The following CACNA1E variants were observed in gnomAD, a reference collection of about 807,000 sequenced individuals.
CACNA1E encodes voltage-dependent R-type calcium channel subunit alpha-1E.
CACNA1E carries 40 observed loss-of-function variants against 259.2 expected under a neutral mutation model. The ratio of observed to expected loss-of-function variants is 0.15; its 90% CI spans 0.12 to 0.20. CACNA1E has a LOEUF of 0.20. Ranked by LOEUF, CACNA1E falls within the 10% of genes least tolerant of loss-of-function variation. The pLI, the probability that CACNA1E is intolerant of heterozygous loss-of-function variation, is 1.00. For synonymous variants in CACNA1E, 1,104 were observed against 1,138.5 expected, an observed-to-expected ratio of 0.97 and a Z score of 0.61; for missense variants, 1,874 against 3,040.1, an observed-to-expected ratio of 0.62 and a Z score of 9.02.
chr1:181,758,012 C>A lies in CACNA1E; in HGVS notation c.4395C>A (p.His1465Gln), dbSNP rs1331597887. ...CCCGCTACATGCCGCAGAACAGACACACCTTCCAGTACCGCGTGTGGCACT... is the reference window on the plus strand; with the variant it reads ...CCCGCTACATGCCGCAGAACAGACAAACCTTCCAGTACCGCGTGTGGCACT... ...PLTRYMPQNRHTFQYRVWHFV... is the reference protein window; with the variant it reads ...PLTRYMPQNRQTFQYRVWHFV... The change falls in exon 31 of 48, where the codon CAC becomes CAA. Residue 1465 changes from histidine to glutamine, a missense_variant. By Grantham distance (24) the His-to-Gln change is conservative (BLOSUM62 0). Around this residue, in one of 14 missense-constraint regions of CACNA1E, gnomAD observed 188 missense variants for 540.6 expected, o/e 0.35. Transcript: ENST00000367573. The surrounding 1 kb of genome is among the most constrained non-coding windows in gnomAD (Gnocchi z 4.2). 9.3e-6 allele frequency: 15 copies of A among 1,613,904 alleles called. No individual in the cohort carries two copies. The highest frequency in any genetic ancestry group is 1.0e-5 in the Non-Finnish European group (12 of 1,179,880).
chr1:181,470,844 A>T (rs192664857), intron 2 of CACNA1E, among the ~76,000 whole-genome samples: 1 of 152,128 alleles, frequency 6.6e-6, no homozygotes, highest in African/African-American at 2.4e-5. Flanking sequence ...AACTCTCCTC[A>T]ACTAGTCTTA....
Position 181,779,819 on chromosome 1 carries a change from T to TACACACACACACACACACAC in CACNA1E, c.5268-1596_5268-1577dup, listed in dbSNP as rs56301632. Among the ~76,000 whole-genome samples, 450 of 148,382 alleles carry TACACACACACACACACACAC rather than the reference T, an allele frequency of 3.0e-3. 1 individual carries two copies. The highest frequency in any genetic ancestry group is 4.2e-3 in the South Asian group (19 of 4,486). ...TCATGTATGTGTGTATATGCACATGTACACACACACACACACACACACACA... is the reference window on the plus strand; with the variant it reads ...TCATGTATGTGTGTATATGCACATGTACACACACACACACACACACACACACACACACACACACACACACA... On this transcript the variant is annotated intron_variant, in intron 38 of 47. Coordinates refer to ENST00000367573, the MANE Select transcript of CACNA1E (RefSeq NM_001205293.3).
chr1:181,710,823 G>A, intron 7 of CACNA1E, 131 bp from the exon 8 acceptor site: 2 of 655,940 alleles, frequency 3.0e-6, no homozygotes, highest in South Asian at 3.6e-5. Context: ...TTGCAGCCTG[G>A]GTCAGGGGAA....
intron 3 of CACNA1E, among the ~76,000 whole-genome samples, chr1:181,556,243 C>A (rs990347986): frequency 7.9e-5 from 12 of 152,158 alleles, no homozygotes; most frequent in African/African-American, 2.9e-4. Flanking sequence ...CCCCTGGTCC[C>A]TCTGGGGTGG....
intron 6 of CACNA1E, among the ~76,000 whole-genome samples, chr1:181,624,327 G>C (rs1199171378): frequency 6.6e-6 from 1 of 152,150 alleles, no homozygotes; most frequent in Non-Finnish European, 1.5e-5. Context: ...GAAGAATGAT[G>C]CTTGCTGCAG....
chr1:181,683,127 T>G (rs556801507), intron 7 of CACNA1E, among the ~76,000 whole-genome samples: 1 of 152,372 alleles, frequency 6.6e-6, no homozygotes, highest in East Asian at 1.9e-4. Context: ...GTCTGGCTCC[T>G]TGGTAGATAA....
intron 1 of CACNA1E, among the ~76,000 whole-genome samples, chr1:181,385,045 A>G (rs142596844): frequency 9.2e-4 from 140 of 152,018 alleles, no homozygotes; most frequent in African/African-American, 2.5e-3. Flanking sequence ...GCTGAGATGG[A>G]TTTTGGGAAT....
intron 3 of CACNA1E, among the ~76,000 whole-genome samples, chr1:181,560,482 A>G (rs1427818178): frequency 6.6e-6 from 1 of 152,114 alleles, no homozygotes; most frequent in African/African-American, 2.4e-5. Context: ...TCCTCTTAAG[A>G]CTATATGATG....
chr1:181,783,167 C>G (rs563869091), intron 39 of CACNA1E, among the ~76,000 whole-genome samples: 47 of 152,170 alleles, frequency 3.1e-4, no homozygotes, highest in African/African-American at 1.1e-3. Flanking sequence ...ATTAAAGACT[C>G]AAAAAGGGGG....
chr1:181,631,121 G>T (rs1043902743), intron 6 of CACNA1E, among the ~76,000 whole-genome samples: 1 of 152,200 alleles, frequency 6.6e-6, no homozygotes, highest in Non-Finnish European at 1.5e-5. Flanking sequence ...CTGCAGAATA[G>T]GGGAGCTTTC....
intron 6 of CACNA1E, among the ~76,000 whole-genome samples, chr1:181,645,573 C>T (rs1051584259): frequency 1.3e-4 from 20 of 152,216 alleles, no homozygotes; most frequent in African/African-American, 4.3e-4. Context: ...CTTAGACTCC[C>T]GTGTTATTGT....
chr1:181,596,711 G>T (rs1653214696), intron 6 of CACNA1E, among the ~76,000 whole-genome samples: 1 of 152,116 alleles, frequency 6.6e-6, no homozygotes, highest in Non-Finnish European at 1.5e-5. Flanking sequence ...TTGATAAAGG[G>T]TGTTTCTTGA....
intron 2 of CACNA1E, among the ~76,000 whole-genome samples, chr1:181,444,985 C>T (rs56413723): frequency 0.43 from 65,221 of 151,854 alleles, 15,470 homozygotes; most frequent in African/African-American, 0.65. Context: ...ACATCTCTGG[C>T]TCACTGATGG....
chr1:181,642,134 A>T (rs947097351), intron 6 of CACNA1E, among the ~76,000 whole-genome samples: 1 of 152,142 alleles, frequency 6.6e-6, no homozygotes, highest in African/African-American at 2.4e-5. Context: ...GAAGTCCTGC[A>T]TTCTGGTTCT....
At chr1:181,790,939 T>C (rs1661251477) in intron 44 of CACNA1E, among the ~76,000 whole-genome samples, 1 of 152,198 alleles carries the variant, frequency 6.6e-6, no homozygotes, top group Non-Finnish European at 1.5e-5. Flanking sequence ...TGTAGTTAGG[T>C]ACTGCTTGTG....
intron 2 of CACNA1E, among the ~76,000 whole-genome samples, chr1:181,432,206 A>G (rs1659764125): frequency 6.6e-6 from 1 of 152,176 alleles, no homozygotes. Context: ...CCCTAAATGA[A>G]ATGGTGGGAT....
intron 3 of CACNA1E, among the ~76,000 whole-genome samples, chr1:181,524,473 G>T (rs148638426): frequency 6.6e-6 from 1 of 152,284 alleles, no homozygotes; most frequent in African/African-American, 2.4e-5. Context: ...ACTAGATTAA[G>T]CAGGGCTAGA....
chr1:181,599,534 C>T (rs893307111), intron 6 of CACNA1E, among the ~76,000 whole-genome samples: 11 of 152,206 alleles, frequency 7.2e-5, no homozygotes, highest in African/African-American at 2.7e-4. Flanking sequence ...TTATTTCCTT[C>T]ATAGCACTTA....
chr1:181,466,369 C>T (rs1662156772), intron 2 of CACNA1E, among the ~76,000 whole-genome samples: 1 of 146,268 alleles, frequency 6.8e-6, no homozygotes, highest in Non-Finnish European at 1.5e-5. Flanking sequence ...ATGGCAAAAC[C>T]ATATTTCTAC....
Sources: allele counts gnomAD v4.1 joint callset (sites outside exome capture counted in the v4.1 genomes callset), GRCh38; gene constraint gnomAD v4.1.1; regional missense constraint gnomAD v4.1.1; non-coding constraint Gnocchi (gnomAD v3.1); transcripts MANE v1.5; gene names NCBI Gene and HGNC (gene_info 2026-07-23, HGNC 2026-07-21).